The following LRRC37A2 variants were observed in gnomAD, a reference collection of about 807,000 sequenced individuals.
The protein encoded by LRRC37A2 is leucine-rich repeat-containing protein 37A2.
A neutral mutation model predicts 68.8 loss-of-function variants in LRRC37A2; 9 were observed. That is an observed-to-expected ratio of 0.13 (90% confidence interval 0.08 to 0.23). LRRC37A2 has a LOEUF of 0.23. Ranked by LOEUF, LRRC37A2 falls within the 10% of genes least tolerant of loss-of-function variation. The pLI is 1.00. For synonymous variants in LRRC37A2, 63 were observed against 367.6 expected (o/e 0.17, Z 9.48); for missense variants, 168 against 950.4 (o/e 0.18, Z 10.82).
At chr17:46,872,064 G>A in the LRRC37A2 span, among the ~76,000 whole-genome samples, 1 of 152,162 alleles carries the variant, frequency 6.6e-6, no homozygotes, top group African/African-American at 2.4e-5. Context: ...CAGGAATGTG[G>A]CTCTCTTGGC....
At chr17:46,759,889 CTT>C in the LRRC37A2 span, among the ~76,000 whole-genome samples, 1 of 152,138 alleles carries the variant, frequency 6.6e-6, no homozygotes, top group Non-Finnish European at 1.5e-5. Context: ...ACAACGTCCT[CTT>C]GTGTTTAGAC....
At chr17:47,021,977 T>C in the LRRC37A2 span, 2 of 1,447,694 alleles carry the variant, frequency 1.4e-6, no homozygotes, top group African/African-American at 2.8e-5. Flanking sequence ...AAGATCTTTC[T>C]TGGTCCAGCA....
At chr17:46,949,557 A>G in the LRRC37A2 span, among the ~76,000 whole-genome samples, 1 of 152,178 alleles carries the variant, frequency 6.6e-6, no homozygotes, top group African/African-American at 2.4e-5. Context: ...GTGGGTGGCC[A>G]TCTTTGGAGA....
downstream of LRRC37A2, among the ~76,000 whole-genome samples, chr17:46,558,530 G>C (rs1160524552): frequency 8.3e-6 from 1 of 119,802 alleles, no homozygotes; most frequent in Non-Finnish European, 1.7e-5. Flanking sequence ...GGGATTACAG[G>C]CACCCACCAC....
At chr17:46,892,328 C>T in the LRRC37A2 span, among the ~76,000 whole-genome samples, 1 of 152,150 alleles carries the variant, frequency 6.6e-6, no homozygotes, top group Non-Finnish European at 1.5e-5. Context: ...CCCATACCTC[C>T]AATGCCCCTC....
chr17:46,740,910 T>C, the LRRC37A2 span, among the ~76,000 whole-genome samples: 45,624 of 151,814 alleles, frequency 0.3, 7,616 homozygotes, highest in East Asian at 0.6. Flanking sequence ...GATCTGCCCG[T>C]CTCAATATCT....
chr17:46,931,498 G>T, the LRRC37A2 span: 1 of 463,588 alleles, frequency 2.2e-6, no homozygotes. Context: ...GCCACCTGAA[G>T]CCTAATGTTG....
At chr17:46,748,666 G>C in the LRRC37A2 span, among the ~76,000 whole-genome samples, 3 of 152,180 alleles carry the variant, frequency 2.0e-5, no homozygotes, top group African/African-American at 7.2e-5. Flanking sequence ...GAGAGTCACC[G>C]CTTCAGATTG....
the LRRC37A2 span, among the ~76,000 whole-genome samples, chr17:46,776,203 G>T: frequency 1.3e-5 from 2 of 152,160 alleles, no homozygotes; most frequent in African/African-American, 4.8e-5. Flanking sequence ...GCCTGCCTGG[G>T]TCTTCATGGG....
chr17:46,961,554 T>G, the LRRC37A2 span, among the ~76,000 whole-genome samples: 1 of 151,570 alleles, frequency 6.6e-6, no homozygotes, highest in South Asian at 2.1e-4. Flanking sequence ...AAGAAGCAAA[T>G]GAAAAGTGTA....
At chr17:46,965,870 A>T in the LRRC37A2 span, among the ~76,000 whole-genome samples, 1 of 149,204 alleles carries the variant, frequency 6.7e-6, no homozygotes, top group Non-Finnish European at 1.5e-5. Context: ...GTCTCAAGTG[A>T]TCCTCTTGCC....
the LRRC37A2 span, among the ~76,000 whole-genome samples, chr17:46,995,209 TC>T: frequency 6.6e-6 from 1 of 152,166 alleles, no homozygotes; most frequent in South Asian, 2.1e-4. Flanking sequence ...GGTCCCTCCC[TC>T]CCACAGTGGG....
chr17:46,723,043 G>A, the LRRC37A2 span, among the ~76,000 whole-genome samples: 2 of 152,216 alleles, frequency 1.3e-5, no homozygotes, highest in African/African-American at 4.8e-5. Context: ...CAACTGTGAA[G>A]TGATTTGGAA....
At chr17:46,858,707 C>T in the LRRC37A2 span, among the ~76,000 whole-genome samples, 470 of 152,312 alleles carry the variant, frequency 3.1e-3, 1 homozygote, top group Non-Finnish European at 4.9e-3. Flanking sequence ...ATAGTTCTCA[C>T]AAGGAAACTA....
the LRRC37A2 span, among the ~76,000 whole-genome samples, chr17:46,493,240 C>T: frequency 1.5e-5 from 2 of 136,398 alleles, no homozygotes; most frequent in South Asian, 2.3e-4. Flanking sequence ...TCACTGCAGC[C>T]GCCACCTTCT....
At chr17:46,838,849 T>C in the LRRC37A2 span, among the ~76,000 whole-genome samples, 1 of 152,076 alleles carries the variant, frequency 6.6e-6, no homozygotes, top group Non-Finnish European at 1.5e-5. Flanking sequence ...TATAAAATGG[T>C]TTCCAGGGGC....
the LRRC37A2 span, chr17:47,019,587 C>A: frequency 6.8e-7 from 1 of 1,467,990 alleles, no homozygotes; most frequent in South Asian, 1.1e-5. Flanking sequence ...TGTGCTAGAA[C>A]CTAGTCAGGA....
chr17:46,759,384 C>T, the LRRC37A2 span, among the ~76,000 whole-genome samples: 7 of 152,288 alleles, frequency 4.6e-5, no homozygotes, highest in South Asian at 2.1e-4. Flanking sequence ...CATAAAGATG[C>T]GGGAGATAGC....
the LRRC37A2 span, among the ~76,000 whole-genome samples, chr17:46,739,400 A>G: frequency 7.3e-6 from 1 of 137,034 alleles, no homozygotes; most frequent in African/African-American, 2.7e-5. Flanking sequence ...AAAGCCAAGC[A>G]TGGTGGTGCA....
Sources: gnomAD v4.1 joint callset for allele counts (sites outside exome capture counted in the v4.1 genomes callset) on GRCh38, gnomAD v4.1.1 for gene constraint, MANE v1.5 for transcripts, NCBI Gene and HGNC (gene_info 2026-07-23, HGNC 2026-07-21) for gene names.